The following SBF1 variants were observed in gnomAD, a reference collection of about 807,000 sequenced individuals.
SBF1 encodes SET binding factor 1.
A neutral mutation model predicts 215.8 loss-of-function variants in SBF1; 65 were observed. The ratio of observed to expected loss-of-function variants is 0.30; its 90% CI spans 0.25 to 0.37. The LOEUF is 0.37. Ranked by LOEUF, SBF1 falls within the 10% of genes least tolerant of loss-of-function variation. SBF1 has a pLI of 1.00. For missense variants in SBF1, 2,634 were observed against 2,667.8 expected (o/e 0.99, Z 0.28); for synonymous variants, 1,410 against 1,122.8 (o/e 1.26, Z -5.11).
chr22:50,472,244 G>T (rs2068022561), intron 1 of SBF1, among the ~76,000 whole-genome samples: 1 of 152,182 alleles, frequency 6.6e-6, no homozygotes, highest in Admixed American at 6.5e-5. Context: ...CCTTTCCTGA[G>T]AGGTTTCCAG....
At position 50,447,308 on chromosome 22, in the gene SBF1, C is replaced by T. The variant is rs376466155; in HGVS notation, c.5583+14G>A. 120 of 1,613,464 alleles carry T rather than the reference C, an allele frequency of 7.4e-5. No individual in the cohort carries two copies. In the African/African-American group the frequency reaches 8.5e-4, roughly 11 times the overall value. On this transcript the variant is annotated intron_variant, in intron 40 of 40. Transcript: ENST00000380817. ...AGAGCCCCTCCCCTCTCCCAAGCCC[C>T]GGCCAAGGCTCACGTCAAAGAAGGC...
chr22:50,463,330 G>T lies in SBF1; in HGVS notation c.1852C>A (p.His618Asn). 1 of 1,613,058 alleles carries T rather than the reference G, an allele frequency of 6.2e-7. No homozygotes were observed. Among genetic ancestry groups the T allele is most frequent in the African/African-American group, 1.3e-5 (1 of 75,058 alleles). ...CGGACGACAAAGTCAAACTGCTGGT[G>T]GTCCAGGACCGCACGGTTCTGCTGC... ...HVQQNRAVLD[H>N]QQFDFVVRMM... is the part of the protein sequence containing the mutation. The change falls in exon 16 of 41, where the codon CAC becomes AAC. Residue 618 changes from histidine (H) to asparagine (N), a missense_variant. By Grantham distance (68) the His-to-Asn change is moderately conservative (BLOSUM62 1). Transcript: ENST00000380817.
chr22:50,451,795 CTTTTT>C (rs869258302), intron 36 of SBF1, among the ~76,000 whole-genome samples: 6 of 139,644 alleles, frequency 4.3e-5, no homozygotes, highest in Admixed American at 7.3e-5. Context: ...AAAGTAATAT[CTTTTT>C]TTTTTTTTTT....
chr22:50,465,916 T>C, intron 9 of SBF1, 45 bp downstream of exon 9: 1 of 1,610,326 alleles, frequency 6.2e-7, no homozygotes, highest in Non-Finnish European at 8.5e-7. Flanking sequence ...GGTAGCCACA[T>C]CCCAAAGGCC....
In SBF1 at chr22:50,460,687, T is replaced by A; in HGVS notation, c.2993A>T (p.Glu998Val). ...FQLLKMAFDEEVGSDSAELFR... is the reference protein window; with the variant it reads ...FQLLKMAFDEVVGSDSAELFR... ...GAGCTCGGCGCTGTCAGACCCCACCTCCTCGTCAAAGGCCATTTTCAGCAG... is the reference window on the plus strand; with the variant it reads ...GAGCTCGGCGCTGTCAGACCCCACCACCTCGTCAAAGGCCATTTTCAGCAG... Residue 998 changes from glutamate to valine, a missense_variant, in exon 24 of 41, where the codon GAG becomes GTG. Coordinates refer to ENST00000380817, the MANE Select transcript of SBF1 (RefSeq NM_002972.4). 1 of 1,613,424 alleles carries A rather than the reference T, an allele frequency of 6.2e-7. No individual in the cohort carries two copies. Among genetic ancestry groups the A allele is most frequent in the Non-Finnish European group, 8.5e-7 (1 of 1,179,938 alleles).
At chr22:50,453,559 A>C (rs958859373) in intron 36 of SBF1, among the ~76,000 whole-genome samples, 1 of 152,208 alleles carries the variant, frequency 6.6e-6, no homozygotes, top group African/African-American at 2.4e-5. Context: ...AGGCCGAGGC[A>C]GGTGGATCAC....
intron 26 of SBF1, 35 bp downstream of exon 26, chr22:50,459,917 G>C: frequency 1.2e-6 from 2 of 1,607,752 alleles, no homozygotes; most frequent in Non-Finnish European, 1.7e-6. Context: ...CCAGTCACGT[G>C]TCCACCACCC....
rs1028838403 is a variant in SBF1 at position 50,474,450 on chromosome 22, G to A, written c.55+336C>T. ...CCACCCCAAGGAGGCCGGGCAGGCC[G>A]GGCCCAGCCTTCTCTCCCTGCCGCC... On this transcript the variant is annotated intron_variant, in intron 1 of 40. Coordinates refer to ENST00000380817, the MANE Select transcript of SBF1 (RefSeq NM_002972.4). Among the ~76,000 whole-genome samples, 32 of 152,286 alleles carry A rather than the reference G, an allele frequency of 2.1e-4. No homozygotes were observed. In the East Asian group the frequency reaches 2.1e-3, roughly 10 times the overall value.
rs1378807089 is a variant in SBF1 at position 50,461,807 on chromosome 22, G to A, written c.2632C>T (p.Pro878Ser). Reference sequence around the variant, plus strand: ...CGGCCCCCGCAAACCTTCTGGATGGGCGGCAGCCTCCGGCTCTCCCGCTGC... The same window carrying A: ...CGGCCCCCGCAAACCTTCTGGATGGACGGCAGCCTCCGGCTCTCCCGCTGC... Reference protein sequence around the residue: ...AVQRESRRLPPIQKPKLLRPR... With the variant: ...AVQRESRRLPSIQKPKLLRPR... Residue 878 changes from proline (P) to serine (S), a missense_variant, in exon 21 of 41, where the codon CCC becomes TCC. By Grantham distance (74) the Pro-to-Ser change is moderately conservative. Transcript: ENST00000380817. The A allele has an allele frequency of 6.2e-7, 1 of 1,613,414 alleles. No homozygotes were observed. The highest frequency in any genetic ancestry group is 2.2e-5 in the East Asian group (1 of 44,888).
At position 50,462,691 on chromosome 22, in the gene SBF1, A is replaced by G. The variant is rs2148591569; in HGVS notation, c.1995T>C (p.Phe665=). The G allele has an allele frequency of 6.2e-7, 1 of 1,612,146 alleles. No individual in the cohort carries two copies. Among genetic ancestry groups the G allele is most frequent in the Non-Finnish European group, 8.5e-7 (1 of 1,179,510 alleles). Reference sequence around the variant, plus strand: ...CGTGCTCCTGCACACAGCTGTATGCAAACTGCGTCACCCCCGGGCTCAGCT... The same window carrying G: ...CGTGCTCCTGCACACAGCTGTATGCGAACTGCGTCACCCCCGGGCTCAGCT... The part of the protein sequence containing the change: ...CRKLSPGVTQ[F]AYSCVQEHVV... The change falls in exon 18 of 41, where the codon TTT becomes TTC. Residue 665 remains phenylalanine (F), a synonymous_variant. Coordinates refer to ENST00000380817, the MANE Select transcript of SBF1 (RefSeq NM_002972.4).
rs375210922 is a variant in SBF1 at position 50,460,574 on chromosome 22, G to C, written c.3106C>G (p.Arg1036Gly). 2.3e-5 allele frequency: 37 copies of C among 1,613,978 alleles called. No individual in the cohort carries two copies. The highest frequency in any genetic ancestry group is 3.0e-5 in the Non-Finnish European group (35 of 1,180,024). The change falls in exon 24 of 41, where the codon CGG (arginine) becomes GGG (glycine). Residue 1036 changes from arginine (R) to glycine (G), a missense_variant. Transcript: ENST00000380817. The part of the protein sequence containing the change: ...FTLGSAHTPG[R>G]PPRVTKDKGP... ...TTGTCCTTGGTGACTCGCGGTGGCC[G>C]GCCAGGTGTGTGGGCAGAGCCCAAG...
chr22:50,445,686 T>G lies in SBF1; in HGVS notation c.*1456A>C, dbSNP rs2066782903. On this transcript the variant is annotated 3_prime_UTR_variant, in exon 41 of 41. Coordinates refer to ENST00000380817, the MANE Select transcript of SBF1 (RefSeq NM_002972.4). ...TGTCCGGCCTGAGGGAAGACCTGGC[T>G]GGTTTCAGTGGCTCAAGTGAGCCCA... is the stretch of plus-strand genomic sequence containing the variant. The G allele has an allele frequency of 6.6e-6, 1 of 152,280 alleles. No individual in the cohort carries two copies. Among genetic ancestry groups the G allele is most frequent in the African/African-American group, 2.4e-5 (1 of 41,448 alleles). The allele number at this position is 152,280 out of a possible 1,614,324, so 9.4% of individuals were successfully genotyped here. A position where few individuals can be genotyped will look rare whatever the true frequency, so the allele number is the denominator to read the frequency against.
rs759909473 is a variant in SBF1 at position 50,464,662 on chromosome 22, C to T, written c.1508G>A (p.Arg503Gln). Residue 503 changes from arginine (R) to glutamine (Q), a missense_variant, in exon 14 of 41, where the codon CGA becomes CAA. Physicochemically the swap from Arg to Gln is conservative, Grantham distance 43. Transcript: ENST00000380817. ...GCCCTCATCCAGCCGGGGGAAGGGT[C>T]GGGGCACCCGTCGCAGGTGGCTGCT... ...GESSHLRRVPRPFPRLDEGTV... is the reference protein window; with the variant it reads ...GESSHLRRVPQPFPRLDEGTV... The T allele has an allele frequency of 1.4e-5, 23 of 1,608,100 alleles. No individual in the cohort carries two copies. The highest frequency in any genetic ancestry group is 1.9e-5 in the Non-Finnish European group (22 of 1,179,724).
rs368906696 is a variant in SBF1, at chr22:50,459,943, G to A, written c.3491+9C>T. The A allele has an allele frequency of 1.2e-5, 20 of 1,613,218 alleles. No homozygotes were observed. The highest frequency in any genetic ancestry group is 6.7e-5 in the African/African-American group (5 of 74,938). ...TCCACCACCCGGGCCAGCCCTGGCC[G>A]GCCCTCACCTGCGGCAGATGGCATA... On this transcript the variant is annotated intron_variant, in intron 26 of 40. Coordinates refer to ENST00000380817, the MANE Select transcript of SBF1 (RefSeq NM_002972.4).
intron 22 of SBF1, 55 bp from the exon 23 acceptor site, chr22:50,461,341 C>G: frequency 3.2e-6 from 5 of 1,554,594 alleles, no homozygotes; most frequent in Non-Finnish European, 4.4e-6. Flanking sequence ...GGGGGGGTCC[C>G]AGAATCTCAG....
At position 50,464,437 on chromosome 22, in the gene SBF1, G is replaced by A. The variant is rs1321240842; in HGVS notation, c.1641C>T (p.Ala547=). ...GCAGCCCACTGCACCGCTCCAGTATGGCAGCTGCGGGGACAGAATACACAC... is the reference window on the plus strand; with the variant it reads ...GCAGCCCACTGCACCGCTCCAGTATAGCAGCTGCGGGGACAGAATACACAC... ...TTVPSGPPMT[A]ILERCSGLHV... Residue 547 remains alanine, a synonymous_variant, in exon 15 of 41, where the codon GCC becomes GCT. Coordinates refer to ENST00000380817, the MANE Select transcript of SBF1 (RefSeq NM_002972.4). The A allele has an allele frequency of 6.2e-7, 1 of 1,613,032 alleles. No individual in the cohort carries two copies. The highest frequency in any genetic ancestry group is 8.5e-7 in the Non-Finnish European group (1 of 1,179,430).
At chr22:50,461,061 TG>T in intron 23 of SBF1, 97 bp downstream of exon 23, 1 of 1,449,042 alleles carries the variant, frequency 6.9e-7, no homozygotes, top group Non-Finnish European at 9.2e-7. Flanking sequence ...GGGCCACTGC[TG>T]GAGACTGGCC....
At chr22:50,473,482 G>C (rs2068064290) in intron 1 of SBF1, among the ~76,000 whole-genome samples, 1 of 152,294 alleles carries the variant, frequency 6.6e-6, no homozygotes, top group Non-Finnish European at 1.5e-5. Context: ...CCTCTCTAAA[G>C]AAAAAGACAG....
chr22:50,468,782 C>T (rs2067887449), intron 1 of SBF1, among the ~76,000 whole-genome samples: 1 of 151,944 alleles, frequency 6.6e-6, no homozygotes, highest in Non-Finnish European at 1.5e-5. Context: ...GTTCCACAGG[C>T]CCCCACAGCA....
Sources: gnomAD v4.1 joint callset for allele counts (sites outside exome capture counted in the v4.1 genomes callset) on GRCh38, gnomAD v4.1.1 for gene constraint, MANE v1.5 for transcripts, NCBI Gene and HGNC (gene_info 2026-07-23, HGNC 2026-07-21) for gene names.